Variants in ADAMTSL3 observed in about 807,000 individuals in gnomAD.
ADAMTSL3 encodes ADAMTS-like protein 3.
Under a neutral mutation model 201.7 loss-of-function variants are expected in ADAMTSL3, and 128 were observed. The ratio of observed to expected loss-of-function variants is 0.63; its 90% CI spans 0.55 to 0.73. ADAMTSL3 has a LOEUF of 0.73. ADAMTSL3 is among the 30% of genes least tolerant of loss of function. The pLI is 0.00. For synonymous variants in ADAMTSL3, 738 were observed against 748.4 expected (o/e 0.99, Z 0.23); for missense variants, 1,990 against 2,119.6 (o/e 0.94, Z 1.20).
chr15:83,790,092 A>G (rs529841678), intron 4 of ADAMTSL3, among the ~76,000 whole-genome samples: 1 of 151,892 alleles, frequency 6.6e-6, no homozygotes, highest in South Asian at 2.1e-4. Flanking sequence ...AATTTATAGT[A>G]TAAAAACTCT....
rs189718243 is a variant in ADAMTSL3 at position 83,713,424 on chromosome 15, T to A, written c.189+8916T>A. 6.6e-5 allele frequency among the ~76,000 whole-genome samples: 10 copies of A among 152,334 alleles called. No individual in the cohort carries two copies. In the East Asian group the frequency reaches 1.9e-3, roughly 29 times the overall value. ...GTGAAGGGAGTAGATTTTATTAGTG[T>A]TTGTGATCTTGAGAAAATGCAGGAA... On this transcript the variant is annotated intron_variant, in intron 3 of 29. Coordinates refer to ENST00000286744, the MANE Select transcript of ADAMTSL3 (RefSeq NM_207517.3).
At chr15:83,950,315 T>C (rs1330479736) in intron 19 of ADAMTSL3, among the ~76,000 whole-genome samples, 4 of 152,172 alleles carry the variant, frequency 2.6e-5, no homozygotes, top group Non-Finnish European at 4.4e-5. Flanking sequence ...GAGTTCACTG[T>C]AGATCTATGG....
chr15:83,847,542 C>A (rs1219610086), intron 7 of ADAMTSL3, among the ~76,000 whole-genome samples: 2 of 147,774 alleles, frequency 1.4e-5, no homozygotes, highest in African/African-American at 5.1e-5. Flanking sequence ...GTTGCCCAGG[C>A]TGGAGTGCAA....
chr15:83,902,237 A>G (rs1477742218), intron 15 of ADAMTSL3, among the ~76,000 whole-genome samples: 1 of 152,082 alleles, frequency 6.6e-6, no homozygotes, highest in Non-Finnish European at 1.5e-5. Context: ...CAACACAGCC[A>G]CCAGAGTAGT....
intron 6 of ADAMTSL3, among the ~76,000 whole-genome samples, chr15:83,823,427 T>G (rs902543135): frequency 1.3e-5 from 2 of 152,134 alleles, no homozygotes; most frequent in Non-Finnish European, 2.9e-5. Flanking sequence ...TCAAACTAGC[T>G]TCAACTTTGT....
chr15:83,730,566 C>A (rs367605671), intron 3 of ADAMTSL3, among the ~76,000 whole-genome samples: 15 of 151,808 alleles, frequency 9.9e-5, no homozygotes, highest in African/African-American at 3.6e-4. Flanking sequence ...CATACCAAAG[C>A]AAAACCAGCC....
intron 6 of ADAMTSL3, among the ~76,000 whole-genome samples, chr15:83,826,394 G>C (rs997304801): frequency 6.6e-6 from 1 of 150,608 alleles, no homozygotes; most frequent in Non-Finnish European, 1.5e-5. Flanking sequence ...CAACACTGGG[G>C]TTATAGACAT....
At chr15:83,697,101 A>G (rs1280925059) in intron 2 of ADAMTSL3, among the ~76,000 whole-genome samples, 1 of 152,168 alleles carries the variant, frequency 6.6e-6, no homozygotes, top group African/African-American at 2.4e-5. Context: ...TTTAATTGCA[A>G]TGGGAATCAC....
chr15:83,702,583 A>G (rs975054428), intron 2 of ADAMTSL3, among the ~76,000 whole-genome samples: 1 of 152,196 alleles, frequency 6.6e-6, no homozygotes, highest in African/African-American at 2.4e-5. Context: ...GGGCCAATGT[A>G]GAGCTCGGGC....
intron 17 of ADAMTSL3, among the ~76,000 whole-genome samples, chr15:83,936,340 T>C (rs1187095648): frequency 2.0e-5 from 3 of 150,170 alleles, no homozygotes; most frequent in Non-Finnish European, 4.4e-5. Context: ...GAAAACAGAA[T>C]AAAAACTATA....
intron 2 of ADAMTSL3, among the ~76,000 whole-genome samples, chr15:83,702,209 G>A (rs564499079): frequency 2.6e-5 from 4 of 152,330 alleles, no homozygotes; most frequent in African/African-American, 9.6e-5. Flanking sequence ...AAGCAGCAAA[G>A]CATTCAAGAG....
At chr15:83,743,728 A>C (rs1418060573) in intron 3 of ADAMTSL3, among the ~76,000 whole-genome samples, 2 of 152,136 alleles carry the variant, frequency 1.3e-5, no homozygotes, top group African/African-American at 4.8e-5. Flanking sequence ...CGAAGATATG[A>C]GAATAGACAG....
chr15:84,032,938 G>T (rs865784240), intron 28 of ADAMTSL3, among the ~76,000 whole-genome samples: 2 of 152,190 alleles, frequency 1.3e-5, no homozygotes, highest in Non-Finnish European at 2.9e-5. Flanking sequence ...CCAGCAATAT[G>T]TGAGAGTTGC....
rs1168502648 is a variant in ADAMTSL3, at chr15:83,903,917, CAAAAAAAAAAAAAA to C, written c.1700+4200_1700+4213del. Among the ~76,000 whole-genome samples, 24 of 19,274 alleles carry C rather than the reference CAAAAAAAAAAAAAA, an allele frequency of 1.2e-3. 2 individuals are homozygous for C. The highest frequency in any genetic ancestry group is 5.7e-3 in the African/African-American group (13 of 2,300). 12.6% of individuals were successfully genotyped at this position (19,274 alleles called of 152,430 possible). A position where few individuals can be genotyped will look rare whatever the true frequency, so the allele number is the denominator to read the frequency against. On this transcript the variant is annotated intron_variant, in intron 15 of 29. Transcript: ENST00000286744. Reference sequence around the variant, plus strand: ...TGGGTGACAGTGCCAGACTCCACATCAAAAAAAAAAAAAAAAAAAAAAAAAAAGAAAAAAGAAAG... The same window carrying C: ...TGGGTGACAGTGCCAGACTCCACATCAAAAAAAAAAAAAGAAAAAAGAAAG...
Position 83,819,904 on chromosome 15 carries a change from C to A in ADAMTSL3, c.457C>A (p.Arg153=), listed in dbSNP as rs754085044. ...GGGGCATTACTATGAATGGCTTCCA[C>A]GATATAATGATCCTGCTGCCCCGTG... ...YQGHYYEWLP[R]YNDPAAPCAL... The change falls in exon 6 of 30, where the codon CGA becomes AGA. Residue 153 remains arginine, a synonymous_variant. Transcript: ENST00000286744. The A allele has an allele frequency of 5.6e-6, 9 of 1,614,100 alleles. No individual in the cohort carries two copies. The South Asian group carries it at 8.8e-5, about 16-fold the overall frequency.
At chr15:83,867,272 A>G (rs1270127638) in intron 8 of ADAMTSL3, among the ~76,000 whole-genome samples, 2 of 152,216 alleles carry the variant, frequency 1.3e-5, no homozygotes, top group Admixed American at 1.3e-4. Flanking sequence ...ATTACAGAAT[A>G]TCCATCTTAC....
chr15:84,009,608 T>C (rs1330685136), intron 23 of ADAMTSL3, among the ~76,000 whole-genome samples: 1 of 152,172 alleles, frequency 6.6e-6, no homozygotes, highest in East Asian at 1.9e-4. Flanking sequence ...GATACGAAAA[T>C]ATCTGTGACT....
intron 6 of ADAMTSL3, among the ~76,000 whole-genome samples, chr15:83,824,462 A>G (rs2063975021): frequency 6.6e-6 from 1 of 152,186 alleles, no homozygotes; most frequent in South Asian, 2.1e-4. Flanking sequence ...ATTACAGTCG[A>G]TGAACCTACA....
intron 20 of ADAMTSL3, among the ~76,000 whole-genome samples, chr15:83,973,231 T>A (rs2067227479): frequency 6.6e-6 from 1 of 152,192 alleles, no homozygotes; most frequent in East Asian, 1.9e-4. Flanking sequence ...AATTAGCTTC[T>A]TGTTCTGCCT....
Sources: allele counts gnomAD v4.1 joint callset (sites outside exome capture counted in the v4.1 genomes callset), GRCh38; gene constraint gnomAD v4.1.1; transcripts MANE v1.5; gene names NCBI Gene and HGNC (gene_info 2026-07-23, HGNC 2026-07-21).